MGAT4C: variants seen among roughly 807,000 people sequenced by gnomAD.
MGAT4C encodes the protein alpha-1,3-mannosyl-glycoprotein 4-beta-N-acetylglucosaminyltransferase C.
A neutral mutation model predicts 40.1 loss-of-function variants in MGAT4C; 19 were observed. The observed-to-expected ratio is 0.47, with a 90% confidence interval of 0.33 to 0.70. MGAT4C has a LOEUF of 0.70. MGAT4C is among the 30% of genes least tolerant of loss of function. The pLI, the probability that MGAT4C is intolerant of heterozygous loss-of-function variation, is 0.02. For synonymous variants in MGAT4C, 181 were observed against 187.1 expected (o/e 0.97, Z 0.27); for missense variants, 491 against 563.2 (o/e 0.87, Z 1.30).
rs376725731 is a variant in MGAT4C, at chr12:86,465,238, C to A, written c.-228-29973G>T. On this transcript the variant is annotated intron_variant, in intron 2 of 7. Transcript: ENST00000548651. Reference sequence around the variant, plus strand: ...CACAAAATTAATAAAAAATGGATAACAGACCTAAATATAAAGTGCAAAACT... The same window carrying A: ...CACAAAATTAATAAAAAATGGATAAAAGACCTAAATATAAAGTGCAAAACT... Among the ~76,000 whole-genome samples, 27 of 152,094 alleles carry A rather than the reference C, an allele frequency of 1.8e-4. No homozygotes were observed. In the East Asian group the frequency reaches 4.8e-3, roughly 27 times the overall value.
At chr12:86,339,967 T>C (rs1033535388) in intron 3 of MGAT4C, among the ~76,000 whole-genome samples, 1 of 152,218 alleles carries the variant, frequency 6.6e-6, no homozygotes, top group African/African-American at 2.4e-5. Context: ...AAAGCCTTTA[T>C]CTAGATATTG....
At chr12:86,098,768 T>C (rs1874396525) in intron 1 of MGAT4C, among the ~76,000 whole-genome samples, 2 of 151,710 alleles carry the variant, frequency 1.3e-5, no homozygotes, top group South Asian at 4.1e-4. Context: ...ATATTGCATG[T>C]ATTCTTCTGA....
intron 1 of MGAT4C, among the ~76,000 whole-genome samples, chr12:86,087,656 T>G (rs549089012): frequency 6.6e-6 from 1 of 151,950 alleles, no homozygotes; most frequent in East Asian, 1.9e-4. Context: ...TGCACAAAAA[T>G]AATAAAATAC....
At chr12:86,031,436 T>A (rs1361404588) in intron 2 of MGAT4C, among the ~76,000 whole-genome samples, 1 of 151,902 alleles carries the variant, frequency 6.6e-6, no homozygotes, top group Non-Finnish European at 1.5e-5. Flanking sequence ...GTTCTTACAC[T>A]TTAATGCATG....
intron 2 of MGAT4C, among the ~76,000 whole-genome samples, chr12:86,017,902 C>A (rs1270345082): frequency 6.6e-6 from 1 of 152,088 alleles, no homozygotes; most frequent in Non-Finnish European, 1.5e-5. Flanking sequence ...TACATTTCTT[C>A]TTGGGAAGAT....
rs1279227806 is a variant in MGAT4C, at chr12:85,957,691, AT to A, written c.*21597del. The A allele has an allele frequency of 3.3e-5, 5 of 150,708 alleles. No homozygotes were observed. Among genetic ancestry groups the A allele is most frequent in the African/African-American group, 1.2e-4 (5 of 41,084 alleles). 9.3% of individuals were successfully genotyped at this position (150,708 alleles called of 1,614,324 possible). On this transcript the variant is annotated 3_prime_UTR_variant, in exon 5 of 5. Transcript: ENST00000611864. ...AAAAAAAAGAAAAAAGAAAAAAAAA[AT>A]CTATCAATCCTGAAAAGAGTGAATC...
chr12:86,549,800 T>C (rs76233683), intron 2 of MGAT4C, among the ~76,000 whole-genome samples: 4,955 of 152,148 alleles, frequency 0.033, 116 homozygotes, highest in Non-Finnish European at 0.051. Flanking sequence ...CCTATGGTGA[T>C]TGGAAGCATA....
chr12:86,270,784 A>AAGGCTAT (rs2136107455), intron 4 of MGAT4C, among the ~76,000 whole-genome samples: 1 of 152,328 alleles, frequency 6.6e-6, no homozygotes, highest in East Asian at 1.9e-4. Context: ...AATACATTAC[A>AAGGCTAT]AGGCTATAGT....
intron 2 of MGAT4C, among the ~76,000 whole-genome samples, chr12:86,652,851 T>G (rs1650857718): frequency 6.6e-6 from 1 of 151,906 alleles, no homozygotes. Context: ...CTTCATATTT[T>G]TTATTCCTAT....
At chr12:86,139,449 CT>C (rs1188673080) in intron 1 of MGAT4C, among the ~76,000 whole-genome samples, 2 of 151,862 alleles carry the variant, frequency 1.3e-5, no homozygotes, top group Non-Finnish European at 2.9e-5. Flanking sequence ...TCTATGACAA[CT>C]TTTTTCACTC....
At chr12:86,590,458 A>C (rs1961283043) in intron 2 of MGAT4C, among the ~76,000 whole-genome samples, 1 of 151,972 alleles carries the variant, frequency 6.6e-6, no homozygotes, top group Non-Finnish European at 1.5e-5. Flanking sequence ...TATTTGCTGA[A>C]AAATGTTAGA....
intron 1 of MGAT4C, among the ~76,000 whole-genome samples, chr12:86,223,256 C>T (rs990302165): frequency 7.9e-5 from 12 of 152,328 alleles, no homozygotes; most frequent in African/African-American, 2.2e-4. Flanking sequence ...AGCTACCTGC[C>T]GGTGCTGCTC....
At chr12:86,593,334 C>T (rs757238678) in intron 2 of MGAT4C, among the ~76,000 whole-genome samples, 1 of 151,876 alleles carries the variant, frequency 6.6e-6, no homozygotes, top group Non-Finnish European at 1.5e-5. Context: ...CTTTTGGTTT[C>T]ATTGATTTTC....
intron 2 of MGAT4C, among the ~76,000 whole-genome samples, chr12:86,454,469 C>T (rs1592867156): frequency 6.6e-6 from 1 of 151,980 alleles, no homozygotes; most frequent in Non-Finnish European, 1.5e-5. Context: ...TCAAGAAATC[C>T]ACCTGCCTCA....
At chr12:86,062,228 C>G (rs1282272368) in intron 1 of MGAT4C, among the ~76,000 whole-genome samples, 1 of 152,150 alleles carries the variant, frequency 6.6e-6, no homozygotes, top group Non-Finnish European at 1.5e-5. Context: ...GATACCCCGG[C>G]AAACACGGTC....
Position 86,644,403 on chromosome 12 carries a change from C to T in MGAT4C, c.-229+82806G>A, listed in dbSNP as rs1416969042. Among the ~76,000 whole-genome samples, 7 of 147,508 alleles carry T rather than the reference C, an allele frequency of 4.7e-5. No individual in the cohort carries two copies. In the East Asian group the frequency reaches 1.2e-3, roughly 25 times the overall value. On this transcript the variant is annotated intron_variant, in intron 2 of 7. Transcript: ENST00000548651. ...GATGAAAACTATGTATTATTGCAAA[C>T]AAATCAGAATAAATAGAATTTTAAG... is the stretch of plus-strand genomic sequence containing the variant.
intron 2 of MGAT4C, among the ~76,000 whole-genome samples, chr12:86,718,667 A>G (rs1487707896): frequency 6.6e-6 from 1 of 152,142 alleles, no homozygotes. Flanking sequence ...ACAGCAGGCA[A>G]GGGACCATTA....
At chr12:86,353,978 G>A (rs747322575) in intron 3 of MGAT4C, among the ~76,000 whole-genome samples, 16 of 152,154 alleles carry the variant, frequency 1.1e-4, no homozygotes, top group Non-Finnish European at 1.2e-4. Flanking sequence ...AAAAGCTGGA[G>A]AAAATCTGTA....
At chr12:86,689,663 G>C (rs1317919547) in intron 2 of MGAT4C, among the ~76,000 whole-genome samples, 1 of 152,154 alleles carries the variant, frequency 6.6e-6, no homozygotes, top group South Asian at 2.1e-4. Flanking sequence ...AGCAAAGATC[G>C]CTGCCTTCTT....
Sources: gnomAD v4.1 joint callset for allele counts (sites outside exome capture counted in the v4.1 genomes callset) on GRCh38, gnomAD v4.1.1 for gene constraint, MANE v1.5 for transcripts, NCBI Gene and HGNC (gene_info 2026-07-23, HGNC 2026-07-21) for gene names.